BNC2: variants seen among roughly 807,000 people sequenced by gnomAD.
BNC2 encodes basonuclin zinc finger protein 2.
A neutral mutation model predicts 76.3 loss-of-function variants in BNC2; 20 were observed. That is an observed-to-expected ratio of 0.26 (90% CI 0.18 to 0.38). The LOEUF is 0.38. Among genes scored for constraint, BNC2 ranks in the 10% least tolerant of loss-of-function variants. BNC2 has a pLI of 1.00. For missense variants in BNC2, 1,382 were observed against 1,399.8 expected (o/e 0.99, Z 0.20); for synonymous variants, 582 against 514.8 (o/e 1.13, Z -1.77).
chr9:16,474,409 G>T (rs1019188929), intron 5 of BNC2, among the ~76,000 whole-genome samples: 5 of 152,134 alleles, frequency 3.3e-5, no homozygotes, highest in South Asian at 4.1e-4. Flanking sequence ...TATTTAGAAG[G>T]CTGAGGCAAT....
rs191101109 is a variant in BNC2, at chr9:16,520,160, C to T, written c.669+32370G>A. 6.6e-5 allele frequency among the ~76,000 whole-genome samples: 10 copies of T among 152,324 alleles called. No homozygotes were observed. In the East Asian group the frequency reaches 1.9e-3, roughly 29 times the overall value. On this transcript the variant is annotated intron_variant, in intron 5 of 6. Transcript: ENST00000380672. The stretch of plus-strand genomic sequence containing the variant: ...CCAGGAGGCCTACGAGGAAACCTTT[C>T]CCGTGCTTCTTGATGGGACTCTCAG...
chr9:16,664,341 GC>G (rs1240373359), intron 3 of BNC2, among the ~76,000 whole-genome samples: 1 of 152,094 alleles, frequency 6.6e-6, no homozygotes, highest in African/African-American at 2.4e-5. Flanking sequence ...GCTGCACTTT[GC>G]CCAGAATGTC....
intron 5 of BNC2, among the ~76,000 whole-genome samples, chr9:16,493,372 T>C (rs1822318266): frequency 6.6e-6 from 1 of 152,194 alleles, no homozygotes; most frequent in Non-Finnish European, 1.5e-5. Context: ...AGTACAATAT[T>C]GATACAAAAA....
At chr9:16,706,900 C>T (rs1392087755) in intron 3 of BNC2, among the ~76,000 whole-genome samples, 1 of 152,204 alleles carries the variant, frequency 6.6e-6, no homozygotes, top group Non-Finnish European at 1.5e-5. Context: ...TCAGTTTAAT[C>T]TATATAAAAT....
At chr9:16,472,340 G>A (rs1355051655) in intron 5 of BNC2, among the ~76,000 whole-genome samples, 1 of 152,128 alleles carries the variant, frequency 6.6e-6, no homozygotes, top group Non-Finnish European at 1.5e-5. Flanking sequence ...TAGAAAAGCT[G>A]GTAGTAAGCT....
chr9:16,753,910 T>C (rs1051710988), intron 1 of BNC2, among the ~76,000 whole-genome samples: 1 of 152,144 alleles, frequency 6.6e-6, no homozygotes, highest in Non-Finnish European at 1.5e-5. Flanking sequence ...TCACACTGAA[T>C]GTCTATGCCT....
At chr9:16,792,653 G>A (rs1467348994) in intron 1 of BNC2, among the ~76,000 whole-genome samples, 2 of 152,142 alleles carry the variant, frequency 1.3e-5, no homozygotes, top group East Asian at 3.8e-4. Flanking sequence ...AAATACCAGC[G>A]GGGGGAACCA....
At chr9:16,672,637 T>G (rs1822514522) in intron 3 of BNC2, among the ~76,000 whole-genome samples, 3 of 152,230 alleles carry the variant, frequency 2.0e-5, no homozygotes, top group Admixed American at 2.0e-4. Flanking sequence ...AAAAGAACAT[T>G]GTTCTAAATC....
At chr9:16,739,313 C>G (rs961674906) in intron 1 of BNC2, among the ~76,000 whole-genome samples, 1 of 152,200 alleles carries the variant, frequency 6.6e-6, no homozygotes, top group Non-Finnish European at 1.5e-5. Flanking sequence ...GAAGATTTAT[C>G]TGGCAACAGT....
At chr9:16,768,397 G>A (rs893699019) in intron 1 of BNC2, among the ~76,000 whole-genome samples, 3 of 152,106 alleles carry the variant, frequency 2.0e-5, no homozygotes, top group East Asian at 1.9e-4. Flanking sequence ...GTGAGAAAAC[G>A]GGAGTGTTAC....
intron 5 of BNC2, among the ~76,000 whole-genome samples, chr9:16,472,899 T>C (rs1254436200): frequency 1.3e-5 from 2 of 152,170 alleles, no homozygotes; most frequent in Non-Finnish European, 2.9e-5. Flanking sequence ...TGAAAATGTG[T>C]AACTGGTACA....
chr9:16,441,415 A>C (rs967276771), intron 5 of BNC2, among the ~76,000 whole-genome samples: 10 of 152,258 alleles, frequency 6.6e-5, no homozygotes, highest in Non-Finnish European at 1.2e-4. Flanking sequence ...CAAGTGTGCA[A>C]GCTGGATGCT....
intron 1 of BNC2, among the ~76,000 whole-genome samples, chr9:16,779,814 T>C (rs1465974930): frequency 9.2e-5 from 14 of 152,164 alleles, no homozygotes; most frequent in Non-Finnish European, 1.8e-4. Flanking sequence ...GGTGGCTGCC[T>C]ATGGCTGGAG....
At chr9:16,512,475 A>AAC (rs201724348) in intron 5 of BNC2, among the ~76,000 whole-genome samples, 3,103 of 147,866 alleles carry the variant, frequency 0.021, 133 homozygotes, top group African/African-American at 0.075. Context: ...CAATAAAGGT[A>AAC]ACACACGCGC....
chr9:16,857,870 A>G (rs1452341673), intron 1 of BNC2, among the ~76,000 whole-genome samples: 8 of 152,234 alleles, frequency 5.3e-5, no homozygotes, highest in Admixed American at 2.6e-4. Context: ...GGGAATGAAT[A>G]TTTCTTTTAA....
intron 4 of BNC2, among the ~76,000 whole-genome samples, chr9:16,577,216 T>C (rs1355374421): frequency 6.6e-6 from 1 of 152,182 alleles, no homozygotes; most frequent in Non-Finnish European, 1.5e-5. Flanking sequence ...TATTGTTTAT[T>C]GATATTCAGA....
intron 1 of BNC2, among the ~76,000 whole-genome samples, chr9:16,808,272 A>C (rs1817959950): frequency 6.6e-6 from 1 of 151,988 alleles, no homozygotes; most frequent in Admixed American, 6.6e-5. Flanking sequence ...CTAATTACCC[A>C]CCATTTTCAT....
At chr9:16,809,591 C>A (rs1451531609) in intron 1 of BNC2, among the ~76,000 whole-genome samples, 1 of 152,058 alleles carries the variant, frequency 6.6e-6, no homozygotes, top group African/African-American at 2.4e-5. Context: ...TCAGGAGTCT[C>A]CTGAACCAAG....
At chr9:16,847,051 T>G (rs914333579) in intron 1 of BNC2, among the ~76,000 whole-genome samples, 2 of 152,190 alleles carry the variant, frequency 1.3e-5, no homozygotes, top group South Asian at 2.1e-4. Flanking sequence ...GTTCACAATG[T>G]CAAGTTGCTG....
Sources: allele counts gnomAD v4.1 joint callset (sites outside exome capture counted in the v4.1 genomes callset), GRCh38; gene constraint gnomAD v4.1.1; transcripts MANE v1.5; gene names NCBI Gene and HGNC (gene_info 2026-07-23, HGNC 2026-07-21).